The following PFKFB4 variants were observed in gnomAD, a reference collection of about 807,000 sequenced individuals.
PFKFB4 encodes 6-phosphofructo-2-kinase/fructose-2,6-bisphosphatase 4.
In PFKFB4, 42 loss-of-function variants were observed where a neutral mutation model predicts 62.8. The observed-to-expected ratio is 0.67, with a 90% CI of 0.52 to 0.86. The LOEUF (loss-of-function observed/expected upper bound fraction) is 0.86. PFKFB4 is among the 40% of genes least tolerant of loss of function. The pLI is 0.00. For synonymous variants in PFKFB4, 204 were observed against 240.7 expected, an observed-to-expected ratio of 0.85 and a Z score of 1.41; for missense variants, 475 against 627.2, an observed-to-expected ratio of 0.76 and a Z score of 2.59.
rs763625149 is a variant in PFKFB4, at chr3:48,523,580, C to T, written c.1242G>A (p.Lys414=). 7 of 1,614,078 alleles carry T rather than the reference C, an allele frequency of 4.3e-6. No individual in the cohort carries two copies. In the East Asian group the frequency reaches 1.3e-4, roughly 31 times the overall value. ...DKAAEQLPYL[K]CPLHTVLKLT... ...GCTTCAGGACTGTGTGCAGCGGACA[C>T]TTGAGGTAGGGCAGCTGTTCTGTAG... Residue 414 remains lysine (K), a synonymous_variant, in exon 12 of 14, where the codon AAG becomes AAA. Transcript: ENST00000232375.
chr3:48,562,689 G>A, upstream of PFKFB4: 1 of 1,213,628 alleles, frequency 8.2e-7, no homozygotes, highest in Non-Finnish European at 1.1e-6. This position sits in a 1 kb window ranked among gnomAD's most constrained non-coding sequence, Gnocchi z 4.3. Flanking sequence ...TCCAGACACT[G>A]TATGCCCAGA....
rs200180629 is a variant in PFKFB4, at chr3:48,533,638, T to A, written c.987+1874A>T. Among the ~76,000 whole-genome samples the A allele has an allele frequency of 2.6e-5, 4 of 152,276 alleles. No homozygotes were observed. In the East Asian group the frequency reaches 7.7e-4, roughly 29 times the overall value. ...GGGAGGTTGAGGTGGGTGGATTGCC[T>A]GAGGTCAGGAATTCAAGACCAGCCT... is the stretch of plus-strand genomic sequence containing the variant. On this transcript the variant is annotated intron_variant, in intron 9 of 13. Coordinates refer to ENST00000232375, the MANE Select transcript of PFKFB4 (RefSeq NM_004567.4).
At chr3:48,528,079 G>A (rs1009000635) in intron 9 of PFKFB4, among the ~76,000 whole-genome samples, 3 of 152,094 alleles carry the variant, frequency 2.0e-5, no homozygotes, top group African/African-American at 7.2e-5. Context: ...GAGCCCACAA[G>A]GGGAAATGAG....
chr3:48,536,185 A>T (rs1405919389), intron 8 of PFKFB4, 71 bp downstream of exon 8: 1 of 1,348,172 alleles, frequency 7.4e-7, no homozygotes, highest in Non-Finnish European at 1.0e-6. Context: ...GCGCACTCAC[A>T]CATGCATATA....
At chr3:48,554,227 C>T (rs1411696671) in intron 1 of PFKFB4, among the ~76,000 whole-genome samples, 1 of 152,228 alleles carries the variant, frequency 6.6e-6, no homozygotes, top group Admixed American at 6.5e-5. Flanking sequence ...TCCATCCCCA[C>T]CCACACCCTC....
intron 4 of PFKFB4, among the ~76,000 whole-genome samples, chr3:48,540,939 G>C (rs1256485692): frequency 6.6e-6 from 1 of 150,904 alleles, no homozygotes; most frequent in Non-Finnish European, 1.5e-5. Flanking sequence ...ACCACGCCTG[G>C]CTAATTTTTG....
At chr3:48,536,230 G>A (rs1239926350) in intron 8 of PFKFB4, 26 bp downstream of exon 8, 2 of 1,597,946 alleles carry the variant, frequency 1.3e-6, no homozygotes, top group East Asian at 2.2e-5. Context: ...AGGCCCGTGT[G>A]CGCACGCAGG....
intron 12 of PFKFB4, among the ~76,000 whole-genome samples, chr3:48,522,928 T>G (rs2042142831): frequency 6.6e-6 from 1 of 151,768 alleles, no homozygotes; most frequent in Admixed American, 6.6e-5. Flanking sequence ...GCCCAGCTAA[T>G]TTTTTTGTAT....
chr3:48,532,035 G>C (rs901161640), intron 9 of PFKFB4, among the ~76,000 whole-genome samples: 3 of 152,204 alleles, frequency 2.0e-5, no homozygotes, highest in Non-Finnish European at 2.9e-5. Flanking sequence ...GGCCGGGTGC[G>C]GTGGCTCACG....
At chr3:48,562,998 C>T (rs192610365), upstream of PFKFB4, 25 of 1,609,252 alleles carry the variant, frequency 1.6e-5, no homozygotes, top group Admixed American at 3.6e-4. The surrounding 1 kb of genome is among the most constrained non-coding windows in gnomAD (Gnocchi z 4.3). Context: ...TCTGAGGCCG[C>T]AGGTCGGGGA....
chr3:48,545,067 T>C (rs751292654), intron 3 of PFKFB4, among the ~76,000 whole-genome samples: 5 of 152,158 alleles, frequency 3.3e-5, no homozygotes, highest in East Asian at 1.9e-4. Context: ...TGGAGATAGA[T>C]AAATTACCTT....
Position 48,552,143 on chromosome 3 carries a change from G to A in PFKFB4, c.98-1909C>T, listed in dbSNP as rs891139262. Among the ~76,000 whole-genome samples the A allele has an allele frequency of 2.0e-5, 3 of 152,228 alleles. No individual in the cohort carries two copies. The East Asian group carries it at 5.8e-4, about 29-fold the overall frequency. ...GTCTGACACTCATTGGGAACTCTGA[G>A]CCTCGGTGTCCCCAGCTGTAAAATG... is the stretch of plus-strand genomic sequence containing the variant. On this transcript the variant is annotated intron_variant, in intron 1 of 13. Coordinates refer to ENST00000232375, the MANE Select transcript of PFKFB4 (RefSeq NM_004567.4).
upstream of PFKFB4, chr3:48,557,064 G>A: frequency 4.1e-6 from 4 of 972,056 alleles, no homozygotes; most frequent in Non-Finnish European, 5.4e-6. Flanking sequence ...GGATTGTACT[G>A]GTCCCGCCCC....
At chr3:48,539,550 A>G in intron 5 of PFKFB4, 147 bp downstream of exon 5, 1 of 769,538 alleles carries the variant, frequency 1.3e-6, no homozygotes, top group East Asian at 2.5e-5. Context: ...GCAAACCCCA[A>G]GTGGAGACAG....
In PFKFB4 at chr3:48,521,958, G is replaced by A. The variant is rs368815545; in HGVS notation, c.1350+28C>T. The A allele has an allele frequency of 6.1e-5, 98 of 1,601,502 alleles. No homozygotes were observed. Among genetic ancestry groups the A allele is most frequent in the East Asian group, 8.9e-5 (4 of 44,834 alleles). On this transcript the variant is annotated intron_variant, in intron 13 of 13. Transcript: ENST00000232375. The surrounding 1 kb of genome is among the most constrained non-coding windows in gnomAD (Gnocchi z 5.3). ...GACACCCCCACATCAGGAACACCCC[G>A]CTACCCCAGCAGTGACCCCATTGCT...
intron 12 of PFKFB4, among the ~76,000 whole-genome samples, chr3:48,522,442 G>A (rs1055067872): frequency 6.6e-6 from 1 of 152,204 alleles, no homozygotes; most frequent in Non-Finnish European, 1.5e-5. Context: ...GTGCAATGGG[G>A]GATGAGGCCA....
At chr3:48,547,839 G>GT (rs2043012261) in intron 3 of PFKFB4, 1 of 152,234 alleles carries the variant, frequency 6.6e-6, no homozygotes, top group African/African-American at 2.4e-5. Flanking sequence ...CACTGTGTGA[G>GT]TAACTGGGCC....
intron 3 of PFKFB4, chr3:48,547,937 T>A (rs374895056): frequency 6.6e-6 from 1 of 152,308 alleles, no homozygotes; most frequent in African/African-American, 2.4e-5. Context: ...TTTGGGCTGA[T>A]TAATAGGAGA....
At chr3:48,519,877 C>T (rs1311512444) in intron 13 of PFKFB4, 71 bp from the exon 14 acceptor site, 25 of 1,241,596 alleles carry the variant, frequency 2.0e-5, no homozygotes, top group Non-Finnish European at 2.8e-5. Flanking sequence ...CTGCCGTCCT[C>T]ATCACTGTGG....
Sources: allele counts gnomAD v4.1 joint callset (sites outside exome capture counted in the v4.1 genomes callset), GRCh38; gene constraint gnomAD v4.1.1; non-coding constraint Gnocchi (gnomAD v3.1); transcripts MANE v1.5; gene names NCBI Gene and HGNC (gene_info 2026-07-23, HGNC 2026-07-21).